The following UTP14C variants were observed in gnomAD, a reference collection of about 807,000 sequenced individuals.
UTP14C encodes the protein UTP14C small subunit processome component.
A neutral mutation model predicts 14.6 loss-of-function variants in UTP14C; 10 were observed. The observed-to-expected ratio is 0.68, with a 90% CI of 0.42 to 1.16. The LOEUF is 1.16. Ranked by LOEUF, UTP14C falls within the 50% of genes most tolerant of loss-of-function variation. The pLI is 0.00. For synonymous variants in UTP14C, 315 were observed against 331.6 expected, an observed-to-expected ratio of 0.95 and a Z score of 0.54; for missense variants, 818 against 890.8, an observed-to-expected ratio of 0.92 and a Z score of 1.04.
chr13:52,029,280 C>T lies in UTP14C; in HGVS notation c.476C>T (p.Pro159Leu), dbSNP rs1481435733. 3 of 1,614,030 alleles carry T rather than the reference C, an allele frequency of 1.9e-6. No homozygotes were observed. Among genetic ancestry groups the T allele is most frequent in the African/African-American group, 2.7e-5 (2 of 74,904 alleles). ...CAGCAGGCAGAGCAGCTGGTTTTTC[C>T]CCTGGGGAAGGAGCAGCCAGCCATT... ...KNQQAEQLVF[P>L]LGKEQPAIAP... is the part of the protein sequence containing the mutation. Residue 159 changes from proline to leucine, a missense_variant, in exon 2 of 2, where the codon CCC becomes CTC. Physicochemically the swap from Pro to Leu is moderately conservative, Grantham distance 98. Coordinates refer to ENST00000521776, the MANE Select transcript of UTP14C (RefSeq NM_021645.6).
chr13:52,031,792 C>A lies in UTP14C; in HGVS notation c.*687C>A, dbSNP rs1954308523. ...GCTTCTTCATTTACAAACTTCTGAC[C>A]TTTTGACACTAAAGCTGCTCCTTTA... On this transcript the variant is annotated 3_prime_UTR_variant, in exon 2 of 2. Transcript: ENST00000521776. 1 of 167,126 alleles carries A rather than the reference C, an allele frequency of 6.0e-6. No individual in the cohort carries two copies. The highest frequency in any genetic ancestry group is 1.5e-5 in the Non-Finnish European group (1 of 68,132). 10.4% of individuals were successfully genotyped at this position (167,126 alleles called of 1,614,324 possible).
At position 52,033,311 on chromosome 13, in the gene UTP14C, ATTTAC is replaced by A. The variant is rs1298519398; in HGVS notation, c.*2207_*2211del. ...CACAGCAGTGGAGATTTGTATTCTT[ATTTAC>A]AGTTGTGTACTATAAAGTGTGTGTT... On this transcript the variant is annotated 3_prime_UTR_variant, in exon 2 of 2. Transcript: ENST00000521776. The A allele has an allele frequency of 6.0e-6, 1 of 166,996 alleles. No homozygotes were observed. Among genetic ancestry groups the A allele is most frequent in the African/African-American group, 2.4e-5 (1 of 41,422 alleles). 10.3% of individuals were successfully genotyped at this position (166,996 alleles called of 1,614,324 possible). A position where few individuals can be genotyped will look rare whatever the true frequency, so the allele number is the denominator to read the frequency against.
Position 52,030,460 on chromosome 13 carries a change from G to C in UTP14C, c.1656G>C (p.Glu552Asp), listed in dbSNP as rs1362246825. 2.5e-6 allele frequency: 4 copies of C among 1,614,128 alleles called. No individual in the cohort carries two copies. Among genetic ancestry groups the C allele is most frequent in the Admixed American group, 1.7e-5 (1 of 60,004 alleles). Residue 552 changes from glutamate (E) to aspartate (D), a missense_variant, in exon 2 of 2, where the codon GAG (glutamate) becomes GAC (aspartate). Physicochemically the swap from Glu to Asp is conservative, Grantham distance 45. Transcript: ENST00000521776. ...CTGATGCCCCTAAGGAGAAGAAAGA[G>C]AAGGAGCAACTGATCAACCTACAGA... Reference protein sequence around the residue: ...NRPDAPKEKKEKEQLINLQNF... With the variant: ...NRPDAPKEKKDKEQLINLQNF...
In UTP14C at chr13:52,028,472, C is replaced by A. The variant is rs745722644; in HGVS notation, c.-333C>A. On this transcript the variant is annotated 5_prime_UTR_variant, in exon 2 of 2. Transcript: ENST00000521776. ...GCTGAAACTATCGCTCACATTCTTT[C>A]CATGTCTGCAGAAAAGAGACTCCAA... 3 of 1,614,178 alleles carry A rather than the reference C, an allele frequency of 1.9e-6. No homozygotes were observed. Among genetic ancestry groups the A allele is most frequent in the Non-Finnish European group, 8.5e-7 (1 of 1,180,042 alleles).
chr13:52,029,576 G>A lies in UTP14C; in HGVS notation c.772G>A (p.Gly258Arg), dbSNP rs1954277229. 1 of 1,614,194 alleles carries A rather than the reference G, an allele frequency of 6.2e-7. No homozygotes were observed. Among genetic ancestry groups the A allele is most frequent in the Admixed American group, 1.7e-5 (1 of 60,020 alleles). The change falls in exon 2 of 2, where the codon GGA (glycine) becomes AGA (arginine). Residue 258 changes from glycine (G) to arginine (R), a missense_variant. Transcript: ENST00000521776. ...AAAGTATCACAAAGTCGTGAAGAAA[G>A]GAAAGGCCAAGAAAGCCTTAAAAGA... is the stretch of plus-strand genomic sequence containing the variant. ...SKKYHKVVKK[G>R]KAKKALKEFE...
Position 52,028,694 on chromosome 13 carries a change from T to C in UTP14C, c.-111T>C. 6.4e-7 allele frequency: 1 copy of C among 1,570,232 alleles called. No individual in the cohort carries two copies. Among genetic ancestry groups the C allele is most frequent in the Non-Finnish European group, 8.7e-7 (1 of 1,150,526 alleles). ...TCTCATTTGTCAAATCATTTTACTT[T>C]AGAAAACAGACAAAATTTCCTTTTA... is the stretch of plus-strand genomic sequence containing the variant. On this transcript the variant is annotated 5_prime_UTR_variant, in exon 2 of 2. Coordinates refer to ENST00000521776, the MANE Select transcript of UTP14C (RefSeq NM_021645.6).
chr13:52,026,313 A>G (rs968912675), intron 1 of UTP14C, among the ~76,000 whole-genome samples: 1 of 152,206 alleles, frequency 6.6e-6, no homozygotes, highest in African/African-American at 2.4e-5. Flanking sequence ...ATCAATAGGA[A>G]CATTCAGCAG....
rs1756736405 is a variant in UTP14C at position 52,031,312 on chromosome 13, A to G, written c.*207A>G. 1.3e-6 allele frequency: 1 copy of G among 741,958 alleles called. No individual in the cohort carries two copies. The highest frequency in any genetic ancestry group is 1.8e-5 in the African/African-American group (1 of 56,480). 46.0% of individuals were successfully genotyped at this position (741,958 alleles called of 1,614,324 possible). A position where few individuals can be genotyped will look rare whatever the true frequency, so the allele number is the denominator to read the frequency against. On this transcript the variant is annotated 3_prime_UTR_variant, in exon 2 of 2. Coordinates refer to ENST00000521776, the MANE Select transcript of UTP14C (RefSeq NM_021645.6). ...TTAGAACACAGAAAAATTCTAGTACATTTAAATTCTAAACAATACAGTGGA... is the reference window on the plus strand; with the variant it reads ...TTAGAACACAGAAAAATTCTAGTACGTTTAAATTCTAAACAATACAGTGGA...
In UTP14C at chr13:52,027,413, C is replaced by T. The variant is rs540362666; in HGVS notation, c.-486-906C>T. ...GTACAGGATGCTCTCCAGCTTCAAG[C>T]AGAATATGATATGAGCTACTGAATT... is the stretch of plus-strand genomic sequence containing the variant. On this transcript the variant is annotated intron_variant, in intron 1 of 1. Coordinates refer to ENST00000521776, the MANE Select transcript of UTP14C (RefSeq NM_021645.6). Among the ~76,000 whole-genome samples the T allele has an allele frequency of 8.9e-4, 136 of 152,228 alleles. 6 individuals carry two copies. The South Asian group carries it at 0.026, about 29-fold the overall frequency.
chr13:52,030,726 G>C lies in UTP14C; in HGVS notation c.1922G>C (p.Ser641Thr). 2 of 1,614,234 alleles carry C rather than the reference G, an allele frequency of 1.2e-6. No individual in the cohort carries two copies. The highest frequency in any genetic ancestry group is 1.7e-6 in the Non-Finnish European group (2 of 1,180,046). Residue 641 changes from serine to threonine, a missense_variant, in exon 2 of 2, where the codon AGT becomes ACT. Transcript: ENST00000521776. The part of the protein sequence containing the change: ...GEWGGVGLKP[S>T]AKKRRQFLIK... Reference sequence around the variant, plus strand: ...TGGGGTGGTGTGGGCCTAAAGCCCAGTGCCAAGAAAAGACGCCAGTTTCTC... The same window carrying C: ...TGGGGTGGTGTGGGCCTAAAGCCCACTGCCAAGAAAAGACGCCAGTTTCTC...
At position 52,032,625 on chromosome 13, in the gene UTP14C, A is replaced by C. The variant is rs1396331160; in HGVS notation, c.*1520A>C. The stretch of plus-strand genomic sequence containing the variant: ...TTATCTACTCCCAATTATGTTGTTG[A>C]TACATCTCCAAGCCATCTGTCATCA... On this transcript the variant is annotated 3_prime_UTR_variant, in exon 2 of 2. Coordinates refer to ENST00000521776, the MANE Select transcript of UTP14C (RefSeq NM_021645.6). The C allele has an allele frequency of 6.0e-6, 1 of 167,060 alleles. No individual in the cohort carries two copies. Among genetic ancestry groups the C allele is most frequent in the Non-Finnish European group, 1.5e-5 (1 of 68,122 alleles). The allele number at this position is 167,060 out of a possible 1,614,324, so 10.3% of individuals were successfully genotyped here. A position where few individuals can be genotyped will look rare whatever the true frequency, so the allele number is the denominator to read the frequency against.
intron 1 of UTP14C, among the ~76,000 whole-genome samples, chr13:52,027,568 C>T (rs771344827): frequency 6.6e-6 from 1 of 152,106 alleles, no homozygotes; most frequent in Non-Finnish European, 1.5e-5. Context: ...TGAATCATTC[C>T]CTGAAGGGCT....
Position 52,029,783 on chromosome 13 carries a change from G to A in UTP14C, c.979G>A (p.Ala327Thr). The change falls in exon 2 of 2, where the codon GCC becomes ACC. Residue 327 changes from alanine (A) to threonine (T), a missense_variant. Physicochemically the swap from Ala to Thr is moderately conservative, Grantham distance 58. Coordinates refer to ENST00000521776, the MANE Select transcript of UTP14C (RefSeq NM_021645.6). ...EARQAMQEQL[A>T]KNKELTQKLQ... ...TCGCCAAGCTATGCAGGAACAGTTG[G>A]CCAAGAACAAAGAACTGACACAGAA... 2 of 1,614,214 alleles carry A rather than the reference G, an allele frequency of 1.2e-6. No homozygotes were observed. Among genetic ancestry groups the A allele is most frequent in the Non-Finnish European group, 1.7e-6 (2 of 1,180,030 alleles).
In UTP14C at chr13:52,024,738, G is replaced by C; in HGVS notation, c.-686G>C. 1.9e-6 allele frequency: 3 copies of C among 1,614,200 alleles called. No homozygotes were observed. Among genetic ancestry groups the C allele is most frequent in the Non-Finnish European group, 2.5e-6 (3 of 1,180,044 alleles). ...AGAAGATGGTTGAGTCACCTCCTTC[G>C]CTTAAACTTGTCCTCATTGGAGGTT... is the stretch of plus-strand genomic sequence containing the variant. On this transcript the variant is annotated 5_prime_UTR_variant, in exon 1 of 2. Transcript: ENST00000521776.
In UTP14C at chr13:52,031,224, C is replaced by A; in HGVS notation, c.*119C>A. ...CAGCACATTGCATGTAGTTGAGCCA[C>A]ATTTTTTAAAAAAAGAAAATGGATG... On this transcript the variant is annotated 3_prime_UTR_variant, in exon 2 of 2. Coordinates refer to ENST00000521776, the MANE Select transcript of UTP14C (RefSeq NM_021645.6). 38 of 1,435,616 alleles carry A rather than the reference C, an allele frequency of 2.6e-5. No homozygotes were observed. Among genetic ancestry groups the A allele is most frequent in the Non-Finnish European group, 3.4e-5 (37 of 1,076,706 alleles). The allele number at this position is 1,435,616 out of a possible 1,614,324, so 88.9% of individuals were successfully genotyped here.
chr13:52,031,841 A>T lies in UTP14C; in HGVS notation c.*736A>T, dbSNP rs1004845425. The stretch of plus-strand genomic sequence containing the variant: ...TATCTTTCTGAGTCTCAGATTCTTC[A>T]TCTGTAATCTGGAGTTGTTAATTCC... On this transcript the variant is annotated 3_prime_UTR_variant, in exon 2 of 2. Coordinates refer to ENST00000521776, the MANE Select transcript of UTP14C (RefSeq NM_021645.6). 4 of 167,064 alleles carry T rather than the reference A, an allele frequency of 2.4e-5. No individual in the cohort carries two copies. The highest frequency in any genetic ancestry group is 9.7e-5 in the African/African-American group (4 of 41,436). The allele number at this position is 167,064 out of a possible 1,614,324, so 10.3% of individuals were successfully genotyped here. A position where few individuals can be genotyped will look rare whatever the true frequency, so the allele number is the denominator to read the frequency against.
intron 1 of UTP14C, 144 bp downstream of exon 1, chr13:52,025,081 A>G (rs973736465): frequency 7.8e-6 from 7 of 900,290 alleles, no homozygotes; most frequent in Non-Finnish European, 1.2e-5. Flanking sequence ...CTCACTTGAG[A>G]CCTTGTAAGA....
In UTP14C at chr13:52,028,906, G is replaced by A. The variant is rs1459311551; in HGVS notation, c.102G>A (p.Gly34=). The change falls in exon 2 of 2, where the codon GGG becomes GGA. Residue 34 remains glycine (G), a synonymous_variant. Transcript: ENST00000521776. ...CCTTGAGTGAAAATGAAGATGAGGG[G>A]GACAGTGATGGAGAGAGAAAGCATC... The part of the protein sequence containing the change: ...NYPLSENEDE[G]DSDGERKHQK... 6.2e-7 allele frequency: 1 copy of A among 1,614,166 alleles called. No individual in the cohort carries two copies. The highest frequency in any genetic ancestry group is 1.1e-5 in the South Asian group (1 of 91,080).
chr13:52,025,772 TGTTA>T (rs1242961095), intron 1 of UTP14C, among the ~76,000 whole-genome samples: 3 of 152,388 alleles, frequency 2.0e-5, no homozygotes, highest in Non-Finnish European at 4.4e-5. Context: ...TGCCTCACAC[TGTTA>T]GTTGTTAGGG....
Sources: allele counts gnomAD v4.1 joint callset (sites outside exome capture counted in the v4.1 genomes callset), GRCh38; gene constraint gnomAD v4.1.1; transcripts MANE v1.5; gene names NCBI Gene and HGNC (gene_info 2026-07-23, HGNC 2026-07-21).